NAV2: variants seen among roughly 807,000 people sequenced by gnomAD.
The protein encoded by NAV2 is helicase, APC down-regulated 1.
A neutral mutation model predicts 223.2 loss-of-function variants in NAV2; 54 were observed. The observed-to-expected ratio is 0.24, with a 90% CI of 0.19 to 0.30. The LOEUF (loss-of-function observed/expected upper bound fraction) is 0.30, where lower values mean the gene tolerates loss of function less well. Among genes scored for constraint, NAV2 ranks in the 10% least tolerant of loss-of-function variants. NAV2 has a pLI of 1.00. For synonymous variants in NAV2, 1,279 were observed against 1,239.3 expected (o/e 1.03, Z -0.67); for missense variants, 2,806 against 3,147.5 (o/e 0.89, Z 2.60).
In NAV2 at chr11:19,376,828, G is replaced by A. The variant is rs572615341; in HGVS notation, c.75+25801G>A. ...CAGAGTAAGGGAAGGCTTCCTGGAG[G>A]AAGCAGTGCTGGAGCCAAGTCTGGA... On this transcript the variant is annotated intron_variant, in intron 1 of 37. Coordinates refer to the NAV2 transcript ENST00000360655. Among the ~76,000 whole-genome samples, 5 of 152,324 alleles carry A rather than the reference G, an allele frequency of 3.3e-5. No individual in the cohort carries two copies. In the East Asian group the frequency reaches 7.7e-4, roughly 24 times the overall value.
intron 11 of NAV2, among the ~76,000 whole-genome samples, chr11:20,020,379 GAAGCAAGCGTCA>G (rs1408695784): frequency 1.3e-5 from 2 of 152,200 alleles, no homozygotes; most frequent in African/African-American, 4.8e-5. Context: ...GGCCTGTTTA[GAAGCAAGCGTCA>G]AAAATGACAG....
intron 1 of NAV2, among the ~76,000 whole-genome samples, chr11:19,404,849 G>A (rs567298142): frequency 1.2e-4 from 19 of 152,044 alleles, no homozygotes; most frequent in African/African-American, 4.1e-4. Context: ...ATCATAGAAC[G>A]GAGGGTAAAA....
intron 1 of NAV2, among the ~76,000 whole-genome samples, chr11:19,776,488 G>T (rs1358302570): frequency 6.6e-6 from 1 of 152,076 alleles, no homozygotes; most frequent in Non-Finnish European, 1.5e-5. Context: ...CAGCGGCCAG[G>T]CAAGGTGTGT....
Position 19,999,168 on chromosome 11 carries a change from T to C in NAV2, c.2768+14921T>C, listed in dbSNP as rs529907415. On this transcript the variant is annotated intron_variant, in intron 11 of 37. Transcript: ENST00000349880. Reference sequence around the variant, plus strand: ...GTGACCCATTAGAAAGGGGCATCAGTCGGCTGTAAGCCACTCATGCCTGGC... The same window carrying C: ...GTGACCCATTAGAAAGGGGCATCAGCCGGCTGTAAGCCACTCATGCCTGGC... Among the ~76,000 whole-genome samples the C allele has an allele frequency of 2.0e-5, 3 of 152,348 alleles. No individual in the cohort carries two copies. In the South Asian group the frequency reaches 6.2e-4, roughly 32 times the overall value.
At chr11:19,520,654 C>T (rs2043620664) in intron 1 of NAV2, among the ~76,000 whole-genome samples, 1 of 152,232 alleles carries the variant, frequency 6.6e-6, no homozygotes, top group South Asian at 2.1e-4. Flanking sequence ...TCTTTGGAGA[C>T]CCTAAGCTAA....
chr11:20,036,105 A>G lies in NAV2; in HGVS notation c.2907+8A>G. 6.2e-7 allele frequency: 1 copy of G among 1,614,170 alleles called. No individual in the cohort carries two copies. Reference sequence around the variant, plus strand: ...AAAAACCTGGATGTGCAGGTGAGGAACACAGGCCCTCCCAGGCTCCTCCAG... The same window carrying G: ...AAAAACCTGGATGTGCAGGTGAGGAGCACAGGCCCTCCCAGGCTCCTCCAG... On this transcript the variant is annotated splice_region_variant and intron_variant, in intron 12 of 37. Coordinates refer to ENST00000349880, the MANE Select transcript of NAV2 (RefSeq NM_145117.5).
chr11:19,554,091 C>T (rs1421359226), intron 1 of NAV2, among the ~76,000 whole-genome samples: 4 of 152,302 alleles, frequency 2.6e-5, no homozygotes, highest in Admixed American at 6.5e-5. Flanking sequence ...CGCTCTAAGC[C>T]AGGAGGCAAC....
At chr11:19,799,701 T>C (rs1196612884) in intron 1 of NAV2, among the ~76,000 whole-genome samples, 1 of 152,130 alleles carries the variant, frequency 6.6e-6, no homozygotes, top group Admixed American at 6.5e-5. Flanking sequence ...CTGCAGAGCA[T>C]GTGCAAACTG....
At chr11:19,875,808 G>A (rs907522876) in intron 4 of NAV2, among the ~76,000 whole-genome samples, 10 of 152,122 alleles carry the variant, frequency 6.6e-5, no homozygotes, top group African/African-American at 2.2e-4. Flanking sequence ...TTTCTCTAAT[G>A]TTAGATCATT....
At chr11:19,799,692 T>G (rs1376295525) in intron 1 of NAV2, among the ~76,000 whole-genome samples, 2 of 152,162 alleles carry the variant, frequency 1.3e-5, no homozygotes, top group Non-Finnish European at 2.9e-5. Flanking sequence ...TTGTTTTTCC[T>G]GCAGAGCATG....
chr11:19,918,522 T>A (rs2043997566), intron 6 of NAV2, among the ~76,000 whole-genome samples: 2 of 152,224 alleles, frequency 1.3e-5, no homozygotes, highest in Non-Finnish European at 2.9e-5. Flanking sequence ...ATATGCCTGC[T>A]GTGTGAGCAG....
chr11:19,908,074 A>T (rs1422347886), intron 6 of NAV2, among the ~76,000 whole-genome samples: 1 of 152,206 alleles, frequency 6.6e-6, no homozygotes, highest in Non-Finnish European at 1.5e-5. Flanking sequence ...GATCTTGGCA[A>T]CCGGAATGGC....
chr11:19,887,443 T>C (rs571044757), intron 5 of NAV2, among the ~76,000 whole-genome samples: 1 of 152,252 alleles, frequency 6.6e-6, no homozygotes, highest in African/African-American at 2.4e-5. Context: ...CACTTACTGA[T>C]GGTGTTACCT....
chr11:19,605,300 G>T (rs1437647312), intron 1 of NAV2, among the ~76,000 whole-genome samples: 2 of 152,064 alleles, frequency 1.3e-5, no homozygotes, highest in East Asian at 1.9e-4. Flanking sequence ...TAGATCTTTT[G>T]GTTTTGGGGG....
intron 1 of NAV2, among the ~76,000 whole-genome samples, chr11:19,527,972 A>ACAC (rs1565018537): frequency 1.3e-5 from 2 of 150,700 alleles, no homozygotes; most frequent in South Asian, 2.1e-4. Flanking sequence ...ACACACACAC[A>ACAC]ATCCTGGGAA....
chr11:19,859,335 GATGACTCTTAAC>G (rs1437334761), intron 3 of NAV2, among the ~76,000 whole-genome samples: 1 of 150,086 alleles, frequency 6.7e-6, no homozygotes, highest in Non-Finnish European at 1.5e-5. Context: ...AGGGAGTGGT[GATGACTCTTAAC>G]GAGTATGCTG....
At chr11:20,022,652 G>A in intron 11 of NAV2, 1 of 991,660 alleles carries the variant, frequency 1.0e-6, no homozygotes, top group Non-Finnish European at 1.2e-6. Flanking sequence ...GTAGCACTTA[G>A]GGCTGGAAAG....
chr11:19,810,768 G>C (rs1018823877), intron 1 of NAV2, among the ~76,000 whole-genome samples: 1 of 152,160 alleles, frequency 6.6e-6, no homozygotes, highest in African/African-American at 2.4e-5. Context: ...TGAGGTTGAG[G>C]TAGATGCCCA....
chr11:20,058,915 G>C (rs2058528427), intron 19 of NAV2, among the ~76,000 whole-genome samples: 1 of 152,102 alleles, frequency 6.6e-6, no homozygotes, highest in Non-Finnish European at 1.5e-5. Flanking sequence ...TCATATTATA[G>C]CCTTCTCCCC....
Sources: gnomAD v4.1 joint callset for allele counts (sites outside exome capture counted in the v4.1 genomes callset) on GRCh38, gnomAD v4.1.1 for gene constraint, MANE v1.5 for transcripts, NCBI Gene and HGNC (gene_info 2026-07-23, HGNC 2026-07-21) for gene names.